PCDH7: variants seen among roughly 807,000 people sequenced by gnomAD.
PCDH7 encodes protocadherin 7.
In PCDH7, 17 loss-of-function variants were observed where a neutral mutation model predicts 58.9. The observed-to-expected ratio is 0.29, with a 90% CI of 0.20 to 0.43. PCDH7 has a LOEUF of 0.43. Among genes scored for constraint, PCDH7 ranks in the 20% least tolerant of loss-of-function variants. PCDH7 has a pLI of 1.00. For synonymous variants in PCDH7, 664 were observed against 616.4 expected (o/e 1.08, Z -1.14); for missense variants, 1,274 against 1,441.0 (o/e 0.88, Z 1.88).
At chr4:31,053,273 C>G (rs1471738722) in intron 3 of PCDH7, among the ~76,000 whole-genome samples, 1 of 152,140 alleles carries the variant, frequency 6.6e-6, no homozygotes, top group Non-Finnish European at 1.5e-5. Flanking sequence ...TTCTTCACCC[C>G]TAGTCATTTA....
At chr4:30,859,036 T>C (rs1733852079) in intron 1 of PCDH7, among the ~76,000 whole-genome samples, 1 of 152,206 alleles carries the variant, frequency 6.6e-6, no homozygotes, top group Non-Finnish European at 1.5e-5. Flanking sequence ...CTACAGCTTA[T>C]AGCTACAGTA....
intron 1 of PCDH7, among the ~76,000 whole-genome samples, chr4:30,907,002 G>A (rs143037902): frequency 0.014 from 2,150 of 152,214 alleles, 44 homozygotes; most frequent in African/African-American, 0.049. Context: ...TAGCCTGGGT[G>A]ACAGAGTGAG....
intron 3 of PCDH7, among the ~76,000 whole-genome samples, chr4:31,032,642 G>A: frequency 9.1e-6 from 1 of 110,374 alleles, no homozygotes; most frequent in African/African-American, 3.6e-5. Context: ...GAAAGAAAGC[G>A]ACAGAGAGAG....
chr4:30,993,397 G>A (rs1751618946), intron 3 of PCDH7, among the ~76,000 whole-genome samples: 1 of 152,122 alleles, frequency 6.6e-6, no homozygotes, highest in Non-Finnish European at 1.5e-5. Context: ...TACGTCTAAT[G>A]AAACCATAAT....
chr4:30,772,054 G>C (rs1182400636), intron 1 of PCDH7, among the ~76,000 whole-genome samples: 1 of 152,002 alleles, frequency 6.6e-6, no homozygotes, highest in Admixed American at 6.6e-5. Flanking sequence ...ATTTTTAGTA[G>C]AGATGGGGTC....
chr4:31,024,852 C>G (rs944983039), intron 3 of PCDH7, among the ~76,000 whole-genome samples: 3 of 152,126 alleles, frequency 2.0e-5, no homozygotes, highest in South Asian at 4.1e-4. Context: ...AAGCGATTCT[C>G]CTGCCTCAGC....
chr4:30,896,915 T>TTTTTTTTG (rs1739485714), intron 1 of PCDH7, among the ~76,000 whole-genome samples: 1 of 118,714 alleles, frequency 8.4e-6, no homozygotes, highest in African/African-American at 3.2e-5. Context: ...TTTTTTTTTT[T>TTTTTTTTG]TTTTTTTGAG....
intron 1 of PCDH7, among the ~76,000 whole-genome samples, chr4:30,834,116 A>G (rs1730160657): frequency 1.3e-5 from 2 of 152,294 alleles, no homozygotes; most frequent in South Asian, 2.1e-4. Flanking sequence ...ATATAACACC[A>G]TGTGCCAGGC....
chr4:30,736,062 G>A (rs540362346), downstream of PCDH7, among the ~76,000 whole-genome samples: 7 of 152,240 alleles, frequency 4.6e-5, no homozygotes, highest in African/African-American at 1.7e-4. Flanking sequence ...CACCATACCC[G>A]ACTCCTCTCT....
intron 3 of PCDH7, among the ~76,000 whole-genome samples, chr4:30,961,778 A>C (rs1255506670): frequency 6.6e-6 from 1 of 152,066 alleles, no homozygotes; most frequent in East Asian, 1.9e-4. Context: ...AACTGGTACC[A>C]CCTCATTGTT....
At position 30,721,533 on chromosome 4, in the gene PCDH7, G is replaced by A. The variant is rs556124835; in HGVS notation, c.111G>A (p.Arg37=). The change falls in exon 1 of 2, where the codon CGG becomes CGA. Residue 37 remains arginine (R), a synonymous_variant. Coordinates refer to ENST00000361762, the Ensembl canonical transcript of PCDH7. This position sits in a 1 kb window ranked among gnomAD's most constrained non-coding sequence, Gnocchi z 6.7. ...CCGCCAAGCAGCTCCTCCGGTACCGGCTGGCCGAGGAGGGCCCCGCCGACG... is the reference window on the plus strand; with the variant it reads ...CCGCCAAGCAGCTCCTCCGGTACCGACTGGCCGAGGAGGGCCCCGCCGACG... The A allele has an allele frequency of 1.2e-6, 2 of 1,600,834 alleles. No individual in the cohort carries two copies. Among genetic ancestry groups the A allele is most frequent in the South Asian group, 1.1e-5 (1 of 90,996 alleles).
intron 3 of PCDH7, among the ~76,000 whole-genome samples, chr4:31,020,929 C>T (rs1753972263): frequency 6.6e-6 from 1 of 152,084 alleles, no homozygotes; most frequent in Non-Finnish European, 1.5e-5. Context: ...TTTTCTCCTC[C>T]TCCGTTTTCT....
chr4:31,128,602 G>A (rs746211768), intron 3 of PCDH7, among the ~76,000 whole-genome samples: 6 of 152,042 alleles, frequency 3.9e-5, no homozygotes, highest in East Asian at 1.9e-4. Context: ...TCGTGACAAC[G>A]CTAAAATAAC....
At chr4:31,050,650 T>C (rs1253262737) in intron 3 of PCDH7, among the ~76,000 whole-genome samples, 1 of 152,122 alleles carries the variant, frequency 6.6e-6, no homozygotes, top group Admixed American at 6.6e-5. Context: ...ACTGAAATGA[T>C]ATTTATACTA....
chr4:30,962,395 C>G (rs146460052), intron 3 of PCDH7, among the ~76,000 whole-genome samples: 1 of 152,090 alleles, frequency 6.6e-6, no homozygotes, highest in Non-Finnish European at 1.5e-5. Flanking sequence ...AAATTTCTAA[C>G]CTTTAAGTTA....
At chr4:31,008,213 T>G (rs1752927653) in intron 3 of PCDH7, among the ~76,000 whole-genome samples, 1 of 152,202 alleles carries the variant, frequency 6.6e-6, no homozygotes, top group Admixed American at 6.5e-5. Flanking sequence ...CAACATTTTC[T>G]TCATGCTATT....
chr4:30,967,720 T>G, intron 3 of PCDH7, among the ~76,000 whole-genome samples: 1 of 152,114 alleles, frequency 6.6e-6, no homozygotes, highest in East Asian at 1.9e-4. Context: ...ATGTTTTGAG[T>G]AGCATTTTCC....
chr4:31,074,232 T>A (rs1243445306), intron 3 of PCDH7, among the ~76,000 whole-genome samples: 1 of 151,334 alleles, frequency 6.6e-6, no homozygotes, highest in Non-Finnish European at 1.5e-5. Context: ...TCTCCTTCTA[T>A]CTCACATCCC....
At chr4:30,998,704 A>G (rs1752107680) in intron 3 of PCDH7, among the ~76,000 whole-genome samples, 1 of 152,148 alleles carries the variant, frequency 6.6e-6, no homozygotes, top group Non-Finnish European at 1.5e-5. Flanking sequence ...GTATTTTCAG[A>G]GCAGAACCCT....
Sources: allele counts gnomAD v4.1 joint callset (sites outside exome capture counted in the v4.1 genomes callset), GRCh38; gene constraint gnomAD v4.1.1; non-coding constraint Gnocchi (gnomAD v3.1); transcripts MANE v1.5; gene names NCBI Gene and HGNC (gene_info 2026-07-23, HGNC 2026-07-21).